TRPM1: variants seen among roughly 807,000 people sequenced by gnomAD.
TRPM1 encodes TRPM1-203 APA Isoform, Intron 10.
In TRPM1, 113 loss-of-function variants were observed where a neutral mutation model predicts 149.4. The observed-to-expected ratio is 0.76, with a 90% CI of 0.65 to 0.88. The LOEUF is 0.88. TRPM1 is among the 40% of genes least tolerant of loss of function. TRPM1 has a pLI of 0.00. For missense variants in TRPM1, 1,976 were observed against 2,038.7 expected, an observed-to-expected ratio of 0.97 and a Z score of 0.59; for synonymous variants, 741 against 759.5, an observed-to-expected ratio of 0.98 and a Z score of 0.40.
chr15:31,144,694 C>A (rs934611526), intron 1 of TRPM1, among the ~76,000 whole-genome samples: 3 of 150,278 alleles, frequency 2.0e-5, no homozygotes, highest in Non-Finnish European at 4.4e-5. Context: ...AACTGTGGCC[C>A]TTTTCATTGT....
chr15:31,082,457 T>C (rs2034887368), intron 1 of TRPM1, among the ~76,000 whole-genome samples: 1 of 152,188 alleles, frequency 6.6e-6, no homozygotes, highest in Admixed American at 6.5e-5. Flanking sequence ...GAAATGGAAA[T>C]GGCTTTGAGT....
chr15:31,149,059 G>A (rs1162077846), intron 1 of TRPM1, among the ~76,000 whole-genome samples: 1 of 152,236 alleles, frequency 6.6e-6, no homozygotes. Context: ...GCTGGTTCAT[G>A]TGAGATGCCG....
chr15:31,149,630 C>G (rs568982449), intron 1 of TRPM1, among the ~76,000 whole-genome samples: 2 of 151,858 alleles, frequency 1.3e-5, no homozygotes, highest in African/African-American at 4.8e-5. Flanking sequence ...CGCCATTCTC[C>G]TGCCTCAGCC....
chr15:31,123,970 C>G (rs1023796416), intron 1 of TRPM1, among the ~76,000 whole-genome samples: 2 of 152,182 alleles, frequency 1.3e-5, no homozygotes, highest in African/African-American at 4.8e-5. Flanking sequence ...TGCAGTACCT[C>G]CAGACAATGG....
At chr15:31,160,917 C>T (rs910176211) in exon 1 of TRPM1, 14 of 1,535,434 alleles carry the variant, frequency 9.1e-6, no homozygotes, top group African/African-American at 1.4e-5. Flanking sequence ...TTCTGCGACC[C>T]TGATGTGGAG....
rs755158637 is a variant in TRPM1 at position 31,032,800 on chromosome 15, G to T, written c.2841C>A (p.Gly947=). The T allele has an allele frequency of 6.2e-7, 1 of 1,614,196 alleles. No homozygotes were observed. Among genetic ancestry groups the T allele is most frequent in the South Asian group, 1.1e-5 (1 of 91,074 alleles). Residue 947 remains glycine (G), a synonymous_variant, in exon 22 of 28, where the codon GGC becomes GGA. Transcript: ENST00000256552. ...CCACACAGTAGATCACCCGGCCATA[G>T]CCCATGTAGGGCTGGTTCTGTAGGC... The part of the protein sequence containing the change: ...ILRLQNQPYM[G]YGRVIYCVDI...
At position 31,040,393 on chromosome 15, in the gene TRPM1, G is replaced by T; in HGVS notation, c.2088-47C>A. ...CAGGGTGAAGCCACAGTGGCCGCAA[G>T]CTGTTTCTTAGACAGGCATATCCAC... On this transcript the variant is annotated intron_variant, in intron 17 of 27. Transcript: ENST00000256552. This position sits in a 1 kb window ranked among gnomAD's most constrained non-coding sequence, Gnocchi z 4.2. 6.5e-7 allele frequency: 1 copy of T among 1,542,252 alleles called. No individual in the cohort carries two copies. Among genetic ancestry groups the T allele is most frequent in the Non-Finnish European group, 9.0e-7 (1 of 1,115,644 alleles).
rs570557910 is a variant in TRPM1 at position 31,160,047 on chromosome 15, C to G, written c.54+859G>C. On this transcript the variant is annotated intron_variant, in intron 1 of 26. Coordinates refer to the TRPM1 transcript ENST00000542188. ...CACCCTTCTGTGCACAATGGGCAGC[C>G]CCCTGGAAGAAGCAGAGATCCCCAC... 5.9e-5 allele frequency among the ~76,000 whole-genome samples: 9 copies of G among 152,162 alleles called. No individual in the cohort carries two copies. The South Asian group carries it at 1.7e-3, about 28-fold the overall frequency.
upstream of TRPM1, among the ~76,000 whole-genome samples, chr15:31,106,660 T>C (rs2035611196): frequency 6.6e-6 from 1 of 152,204 alleles, no homozygotes; most frequent in African/African-American, 2.4e-5. Context: ...CCTGAGTGGA[T>C]GCATGAGAGT....
chr15:31,096,999 C>T (rs2035400673), intron 1 of TRPM1, among the ~76,000 whole-genome samples: 1 of 152,222 alleles, frequency 6.6e-6, no homozygotes, highest in Non-Finnish European at 1.5e-5. Flanking sequence ...GTGGAGGCTG[C>T]CAGCACGGGA....
chr15:31,038,928 C>A (rs1336828251), intron 18 of TRPM1, among the ~76,000 whole-genome samples: 1 of 151,288 alleles, frequency 6.6e-6, no homozygotes, highest in African/African-American at 2.4e-5. Context: ...CTAACATGGG[C>A]TCGGCCTAGA....
In TRPM1 at chr15:31,047,178, G is replaced by C; in HGVS notation, c.1697C>G (p.Ala566Gly). 1 of 1,614,206 alleles carries C rather than the reference G, an allele frequency of 6.2e-7. No individual in the cohort carries two copies. Among genetic ancestry groups the C allele is most frequent in the Non-Finnish European group, 8.5e-7 (1 of 1,180,026 alleles). Residue 566 changes from alanine (A) to glycine (G), a missense_variant, in exon 15 of 28, where the codon GCC (alanine) becomes GGC (glycine). Physicochemically the swap from Ala to Gly is moderately conservative, Grantham distance 60. Coordinates refer to ENST00000256552, the MANE Select transcript of TRPM1 (RefSeq NM_001252024.2). ...TTTCCGAGTGTAGTTGCAGCGGTAG[G>C]CTCCTCCCATGAGGTACTCCAGCAC... ...GLVLEYLMGG[A>G]YRCNYTRKNF...
chr15:31,061,946 C>T (rs773042607), intron 9 of TRPM1, among the ~76,000 whole-genome samples: 2 of 152,176 alleles, frequency 1.3e-5, no homozygotes, highest in African/African-American at 2.4e-5. Context: ...TCTCAGCCCC[C>T]CAAAGTGCTG....
At position 31,139,596 on chromosome 15, in the gene TRPM1, C is replaced by T. The variant is rs1420564414; in HGVS notation, c.54+21310G>A. ...ATTTTATCAGAAAAAAGAAACTAAC[C>T]TCAATGCCTTTTTGTTCGTGTGACT... On this transcript the variant is annotated intron_variant, in intron 1 of 26. Transcript: ENST00000542188. Among the ~76,000 whole-genome samples the T allele has an allele frequency of 2.0e-5, 3 of 152,146 alleles. No homozygotes were observed. In the East Asian group the frequency reaches 5.8e-4, roughly 29 times the overall value.
In TRPM1 at chr15:31,022,318, G is replaced by A. The variant is rs372091420; in HGVS notation, c.3629+3821C>T. On this transcript the variant is annotated intron_variant, in intron 27 of 27. Transcript: ENST00000256552. The stretch of plus-strand genomic sequence containing the variant: ...ATGAGGACAGAACACATGGGTTGAC[G>A]AGGTCTACTTTGGCCATGCTGCCAG... Among the ~76,000 whole-genome samples the A allele has an allele frequency of 1.2e-3, 185 of 152,298 alleles. 2 individuals are homozygous for A. The highest frequency in any genetic ancestry group is 5.4e-3 in the South Asian group (26 of 4,824).
In TRPM1 at chr15:31,101,646, T is replaced by G. The variant is rs1220242964; in HGVS notation, c.-84+11A>C. 1.0e-6 allele frequency: 1 copy of G among 985,678 alleles called. No homozygotes were observed. The highest frequency in any genetic ancestry group is 1.2e-6 in the Non-Finnish European group (1 of 830,200). 61.1% of individuals were successfully genotyped at this position (985,678 alleles called of 1,614,324 possible). A position where few individuals can be genotyped will look rare whatever the true frequency, so the allele number is the denominator to read the frequency against. On this transcript the variant is annotated intron_variant, in intron 1 of 27. Transcript: ENST00000256552. Reference sequence around the variant, plus strand: ...CTCCCTTCACCTGTGCTTACCCGCATCTGAGCTTACCTGCCACAGCAGTGG... The same window carrying G: ...CTCCCTTCACCTGTGCTTACCCGCAGCTGAGCTTACCTGCCACAGCAGTGG...
intron 1 of TRPM1, among the ~76,000 whole-genome samples, chr15:31,140,660 C>G (rs2036150104): frequency 1.3e-5 from 2 of 152,250 alleles, no homozygotes; most frequent in Admixed American, 1.3e-4. Context: ...TGAATGGAAG[C>G]AGGCTGAAGC....
rs917265145 is a variant in TRPM1 at position 31,101,693 on chromosome 15, G to C, written c.-120C>G. 9.1e-6 allele frequency: 9 copies of C among 985,900 alleles called. 1 individual carries two copies. In the Admixed American group the frequency reaches 3.7e-4, roughly 40 times the overall value. The allele number at this position is 985,900 out of a possible 1,614,324, so 61.1% of individuals were successfully genotyped here. A position where few individuals can be genotyped will look rare whatever the true frequency, so the allele number is the denominator to read the frequency against. On this transcript the variant is annotated 5_prime_UTR_variant, in exon 1 of 28. Transcript: ENST00000256552. ...GTGGAATGGAGAGGGCACAGCTCAGGCTCTTTCAGCCTCCTCCTTGGCCAG... is the reference window on the plus strand; with the variant it reads ...GTGGAATGGAGAGGGCACAGCTCAGCCTCTTTCAGCCTCCTCCTTGGCCAG...
At chr15:31,103,081 C>T (rs1427371262), upstream of TRPM1, among the ~76,000 whole-genome samples, 3 of 152,212 alleles carry the variant, frequency 2.0e-5, no homozygotes, top group Admixed American at 6.5e-5. Context: ...GAGCTGATGG[C>T]CGGCACTGCC....
Sources: allele counts gnomAD v4.1 joint callset (sites outside exome capture counted in the v4.1 genomes callset), GRCh38; gene constraint gnomAD v4.1.1; non-coding constraint Gnocchi (gnomAD v3.1); transcripts MANE v1.5; gene names NCBI Gene and HGNC (gene_info 2026-07-23, HGNC 2026-07-21).